Variants in ATXN1 observed in about 807,000 individuals in gnomAD.
ATXN1 encodes ataxin-1.
A neutral mutation model predicts 56.4 loss-of-function variants in ATXN1; 8 were observed. The observed-to-expected ratio is 0.14, with a 90% CI of 0.08 to 0.26. ATXN1 has a LOEUF of 0.26. Among genes scored for constraint, ATXN1 ranks in the 10% least tolerant of loss-of-function variants. ATXN1 has a pLI of 1.00. For synonymous variants in ATXN1, 514 were observed against 494.6 expected (o/e 1.04, Z -0.52); for missense variants, 987 against 1,106.5 (o/e 0.89, Z 1.53).
chr6:16,697,060 G>C (rs961305937), intron 2 of ATXN1, among the ~76,000 whole-genome samples: 2 of 152,166 alleles, frequency 1.3e-5, no homozygotes, highest in Non-Finnish European at 2.9e-5. Context: ...ACACCACCAC[G>C]TTACAGTGGA....
chr6:16,528,485 C>T (rs1761437312), intron 4 of ATXN1, among the ~76,000 whole-genome samples: 1 of 152,018 alleles, frequency 6.6e-6, no homozygotes, highest in South Asian at 2.1e-4. Context: ...CATGACTTGC[C>T]CAGTAAAACC....
In ATXN1 at chr6:16,588,174, G is replaced by A. The variant is rs143027594; in HGVS notation, c.-488-2267C>T. Among the ~76,000 whole-genome samples, 394 of 151,908 alleles carry A rather than the reference G, an allele frequency of 2.6e-3. No individual in the cohort carries two copies. The Middle Eastern group carries it at 0.031, about 12-fold the overall frequency. ...GCAGCCATACTCCTCAACTCCCTCC[G>A]CTCCTCTCCGGCACCACCCTGGCTC... On this transcript the variant is annotated intron_variant, in intron 3 of 7. Coordinates refer to ENST00000436367, the MANE Select transcript of ATXN1 (RefSeq NM_001128164.2).
At chr6:16,517,336 G>A (rs968492640) in intron 5 of ATXN1, among the ~76,000 whole-genome samples, 8 of 152,234 alleles carry the variant, frequency 5.3e-5, no homozygotes, top group Admixed American at 2.0e-4. Flanking sequence ...GGCTAGCTGT[G>A]AGACTGTGGG....
intron 4 of ATXN1, among the ~76,000 whole-genome samples, chr6:16,527,183 C>T (rs1581822616): frequency 6.6e-6 from 1 of 152,114 alleles, no homozygotes; most frequent in Admixed American, 6.5e-5. Flanking sequence ...TCACATGACA[C>T]ATCCTTGCCC....
chr6:16,465,950 T>A (rs1760095815), intron 6 of ATXN1, among the ~76,000 whole-genome samples: 1 of 152,108 alleles, frequency 6.6e-6, no homozygotes, highest in African/African-American at 2.4e-5. Context: ...TCTAAGGGAA[T>A]GCATAATTTC....
chr6:16,431,238 G>A (rs185225075), intron 6 of ATXN1, among the ~76,000 whole-genome samples: 279 of 152,258 alleles, frequency 1.8e-3, no homozygotes, highest in Non-Finnish European at 3.2e-3. Context: ...AAATTATCAG[G>A]GAGGAAGAGC....
chr6:16,558,899 T>C lies in ATXN1; in HGVS notation c.-361+26881A>G, dbSNP rs76791107. 3.5e-3 allele frequency among the ~76,000 whole-genome samples: 533 copies of C among 152,200 alleles called. 3 individuals carry two copies. The highest frequency in any genetic ancestry group is 0.012 in the African/African-American group (495 of 41,538). On this transcript the variant is annotated intron_variant, in intron 4 of 7. Transcript: ENST00000436367. ...CATAAGACAAAAGGACTAATCTTTT[T>C]AGCTGTTACATGCTCCTAAAAAAAA...
At chr6:16,489,685 G>A (rs1301078323) in intron 5 of ATXN1, among the ~76,000 whole-genome samples, 1 of 152,132 alleles carries the variant, frequency 6.6e-6, no homozygotes, top group Non-Finnish European at 1.5e-5. Flanking sequence ...AGGTGCAGTG[G>A]CTCACACCTG....
At chr6:16,309,275 A>T (rs958594434) in intron 7 of ATXN1, among the ~76,000 whole-genome samples, 4 of 150,826 alleles carry the variant, frequency 2.7e-5, no homozygotes, top group South Asian at 2.1e-4. Flanking sequence ...TTAATTAATT[A>T]AAAAAGGTCT....
chr6:16,660,335 T>C (rs982644870), intron 2 of ATXN1, among the ~76,000 whole-genome samples: 3 of 152,212 alleles, frequency 2.0e-5, no homozygotes, highest in Non-Finnish European at 4.4e-5. Flanking sequence ...CAGATATGCC[T>C]GCATATGTGA....
chr6:16,446,020 G>C (rs1352348848), intron 6 of ATXN1, among the ~76,000 whole-genome samples: 1 of 151,714 alleles, frequency 6.6e-6, no homozygotes, highest in African/African-American at 2.4e-5. Context: ...ATGATTTATA[G>C]TCCTTTGGGT....
intron 5 of ATXN1, among the ~76,000 whole-genome samples, chr6:16,495,404 A>C (rs898525297): frequency 6.6e-6 from 1 of 152,242 alleles, no homozygotes; most frequent in Admixed American, 6.5e-5. Flanking sequence ...TGCATCTCCC[A>C]ACCTCTGTCC....
intron 6 of ATXN1, among the ~76,000 whole-genome samples, chr6:16,427,025 A>G (rs1481066165): frequency 6.6e-6 from 1 of 152,152 alleles, no homozygotes; most frequent in Non-Finnish European, 1.5e-5. Context: ...CTCATGGACC[A>G]GATTGTATGT....
chr6:16,326,296 C>A lies in ATXN1; in HGVS notation c.1917+98G>T. 7.1e-6 allele frequency: 11 copies of A among 1,547,222 alleles called. No individual in the cohort carries two copies. The highest frequency in any genetic ancestry group is 7.8e-6 in the Non-Finnish European group (9 of 1,150,698). On this transcript the variant is annotated intron_variant, in intron 7 of 7. Coordinates refer to ENST00000436367, the MANE Select transcript of ATXN1 (RefSeq NM_001128164.2). This position sits in a 1 kb window ranked among gnomAD's most constrained non-coding sequence, Gnocchi z 6.6. The stretch of plus-strand genomic sequence containing the variant: ...CTAAGGTCTAGGTGTACCCGAGAAC[C>A]CTTAATCCTGCCTCATAGAAGCAAT...
At chr6:16,413,499 A>G (rs928483296) in intron 6 of ATXN1, among the ~76,000 whole-genome samples, 1 of 152,208 alleles carries the variant, frequency 6.6e-6, no homozygotes, top group Non-Finnish European at 1.5e-5. Flanking sequence ...CAGGAACCCA[A>G]TCATTTCTGA....
chr6:16,326,932 G>A lies in ATXN1; in HGVS notation c.1379C>T (p.Pro460Leu). ...CTGGCCGCTCAGGTAGCCGATGACA[G>A]GGGGTTGAGTCCCTGCGTAGAAGGC... ...ATAFYAGTQP[P>L]VIGYLSGQQQ... is the part of the protein sequence containing the mutation. The change falls in exon 7 of 8, where the codon CCT (proline) becomes CTT (leucine). Residue 460 changes from proline to leucine, a missense_variant. Pro to Leu is a moderately conservative substitution (Grantham distance 98). Around this residue, in one of 3 missense-constraint regions of ATXN1, gnomAD observed 723 missense variants for 791.7 expected, o/e 0.91. Coordinates refer to ENST00000436367, the MANE Select transcript of ATXN1 (RefSeq NM_001128164.2). This position sits in a 1 kb window ranked among gnomAD's most constrained non-coding sequence, Gnocchi z 6.6. 1 of 1,614,044 alleles carries A rather than the reference G, an allele frequency of 6.2e-7. No individual in the cohort carries two copies. The highest frequency in any genetic ancestry group is 8.5e-7 in the Non-Finnish European group (1 of 1,179,982).
chr6:16,727,670 C>T (rs190627482), intron 2 of ATXN1, among the ~76,000 whole-genome samples: 192 of 152,204 alleles, frequency 1.3e-3, no homozygotes, highest in African/African-American at 4.4e-3. Context: ...TTATTACTGA[C>T]TCTTAGCTGT....
At chr6:16,710,259 C>T (rs1759494576) in intron 2 of ATXN1, among the ~76,000 whole-genome samples, 1 of 152,118 alleles carries the variant, frequency 6.6e-6, no homozygotes, top group South Asian at 2.1e-4. Flanking sequence ...TATGCAATGT[C>T]TCTGCAGGAA....
chr6:16,665,061 C>A (rs1373839439), intron 2 of ATXN1, among the ~76,000 whole-genome samples: 1 of 152,162 alleles, frequency 6.6e-6, no homozygotes, highest in Non-Finnish European at 1.5e-5. Flanking sequence ...TGGTTAAATT[C>A]TCTTCTGTGC....
Sources: gnomAD v4.1 joint callset for allele counts (sites outside exome capture counted in the v4.1 genomes callset) on GRCh38, gnomAD v4.1.1 for gene constraint, gnomAD v4.1.1 regional missense constraint, Gnocchi (gnomAD v3.1) non-coding constraint, MANE v1.5 for transcripts, NCBI Gene and HGNC (gene_info 2026-07-23, HGNC 2026-07-21) for gene names.